Variants in VPS13D observed in about 807,000 individuals in gnomAD.
VPS13D encodes intermembrane lipid transfer protein VPS13D.
In VPS13D, 187 loss-of-function variants were observed where a neutral mutation model predicts 461.9. The observed-to-expected ratio is 0.40, with a 90% CI of 0.36 to 0.46. The LOEUF is 0.46. VPS13D is among the 20% of genes least tolerant of loss of function. The pLI, the probability that VPS13D is intolerant of heterozygous loss-of-function variation, is 0.60. For missense variants in VPS13D, 4,711 were observed against 5,364.9 expected, an observed-to-expected ratio of 0.88 and a Z score of 3.81; for synonymous variants, 1,951 against 1,986.3, an observed-to-expected ratio of 0.98 and a Z score of 0.47.
chr1:12,496,824 G>C (rs116705509), intron 67 of VPS13D, among the ~76,000 whole-genome samples: 3,332 of 152,302 alleles, frequency 0.022, 60 homozygotes, highest in African/African-American at 0.039. Flanking sequence ...GCCCGAGTTA[G>C]AGCCTCTGCA....
chr1:12,385,179 C>A, intron 58 of VPS13D, 81 bp from the exon 59 acceptor site: 1 of 1,085,282 alleles, frequency 9.2e-7, no homozygotes, highest in Non-Finnish European at 1.4e-6. Flanking sequence ...TGACTTTTGA[C>A]CTACACAGTT....
rs771800385 is a variant in VPS13D at position 12,322,541 on chromosome 1, G to T, written c.7710G>T (p.Gln2570His). ...SEDFPPVLEI[Q>H]LQALDIRLSY... ...CCTTTTTTACATTTTGTTAGATTCA[G>T]TTACAAGCCCTGGATATCAGACTCT... is the stretch of plus-strand genomic sequence containing the variant. The change falls in exon 34 of 70, where the codon CAG becomes CAT. Residue 2570 changes from glutamine to histidine, a missense_variant. Gln to His is a conservative substitution (Grantham distance 24, BLOSUM62 0). Transcript: ENST00000620676. 2.5e-6 allele frequency: 4 copies of T among 1,614,112 alleles called. No homozygotes were observed. The highest frequency in any genetic ancestry group is 4.5e-5 in the East Asian group (2 of 44,884).
In VPS13D at chr1:12,271,070, G is replaced by C; in HGVS notation, c.2049G>C (p.Gln683His). ...GACAATATAACAAGCTGAAGATGCA[G>C]ACCAAGGCAGAAATCCGGCAAACTC... is the stretch of plus-strand genomic sequence containing the variant. ...ARRQYNKLKM[Q>H]TKAEIRQTLD... The change falls in exon 17 of 70, where the codon CAG becomes CAC. Residue 683 changes from glutamine to histidine, a missense_variant. Coordinates refer to ENST00000620676, the MANE Select transcript of VPS13D (RefSeq NM_015378.4). 6.2e-7 allele frequency: 1 copy of C among 1,614,054 alleles called. No individual in the cohort carries two copies.
At chr1:12,367,246 T>C (rs1469994404) in intron 52 of VPS13D, among the ~76,000 whole-genome samples, 1 of 152,244 alleles carries the variant, frequency 6.6e-6, no homozygotes, top group African/African-American at 2.4e-5. Context: ...TTCCTGTCTG[T>C]AGATTTGGGT....
chr1:12,286,216 T>A (rs1229388131), intron 21 of VPS13D, among the ~76,000 whole-genome samples: 1 of 152,144 alleles, frequency 6.6e-6, no homozygotes, highest in East Asian at 1.9e-4. Context: ...TAGCTGGGAC[T>A]ACAGATGTGT....
In VPS13D at chr1:12,416,754, G is replaced by T. The variant is rs764073239; in HGVS notation, c.12260G>T (p.Gly4087Val). 6.2e-7 allele frequency: 1 copy of T among 1,613,940 alleles called. No individual in the cohort carries two copies. The highest frequency in any genetic ancestry group is 1.7e-5 in the Admixed American group (1 of 60,000). The part of the protein sequence containing the change: ...LLNDVSEGVT[G>V]LIKYGNVGGL... ...AATGATGTTTCTGAAGGGGTTACTG[G>T]ACTGATAAAATATGGAAATGTCGGG... Residue 4087 changes from glycine (G) to valine (V), a missense_variant, in exon 65 of 70, where the codon GGA becomes GTA. Coordinates refer to ENST00000620676, the MANE Select transcript of VPS13D (RefSeq NM_015378.4).
intron 50 of VPS13D, among the ~76,000 whole-genome samples, chr1:12,361,395 A>ATTTTTTT (rs796776170): frequency 3.7e-5 from 5 of 133,376 alleles, no homozygotes; most frequent in African/African-American, 1.4e-4. Context: ...TTATTTATTT[A>ATTTTTTT]TTTATTTATT....
Position 12,362,778 on chromosome 1 carries a change from C to T in VPS13D, c.10200C>T (p.Ala3400=). ...RYIDTCMVIF[A]PRYLLDNKSS... ...TTGATACCTGCATGGTCATCTTTGC[C>T]CCCCGTTACCTGTTAGATAATAAAT... The change falls in exon 51 of 70, where the codon GCC becomes GCT. Residue 3400 remains alanine, a synonymous_variant. Coordinates refer to ENST00000620676, the MANE Select transcript of VPS13D (RefSeq NM_015378.4). 6.2e-7 allele frequency: 1 copy of T among 1,614,150 alleles called. No homozygotes were observed. The highest frequency in any genetic ancestry group is 8.5e-7 in the Non-Finnish European group (1 of 1,180,028).
intron 30 of VPS13D, among the ~76,000 whole-genome samples, chr1:12,315,482 T>C (rs776034303): frequency 8.5e-4 from 130 of 152,350 alleles, no homozygotes; most frequent in Non-Finnish European, 1.4e-3. Context: ...GGCCCTGCCA[T>C]GAGCCAGGCA....
At chr1:12,428,133 T>TC (rs1320354884) in intron 65 of VPS13D, among the ~76,000 whole-genome samples, 1 of 152,008 alleles carries the variant, frequency 6.6e-6, no homozygotes, top group African/African-American at 2.4e-5. Context: ...TGAGGGAGAA[T>TC]CCCCCCTAAG....
chr1:12,510,938 C>CGGAAGGGTTGATT lies in VPS13D; in HGVS notation c.*1916_*1928dup, dbSNP rs1646174584. On this transcript the variant is annotated 3_prime_UTR_variant, in exon 70 of 70. Transcript: ENST00000620676. ...ATGATCTCTTAAAAGATGAGACTCT[C>CGGAAGGGTTGATT]GGAAGGGTTGATTGTATGCGTCAGT... is the stretch of plus-strand genomic sequence containing the variant. 2 of 152,170 alleles carry CGGAAGGGTTGATT rather than the reference C, an allele frequency of 1.3e-5. No individual in the cohort carries two copies. The highest frequency in any genetic ancestry group is 1.3e-4 in the Admixed American group (2 of 15,288). The allele number at this position is 152,170 out of a possible 1,614,324, so 9.4% of individuals were successfully genotyped here.
chr1:12,279,802 T>C lies in VPS13D; in HGVS notation c.4602+152T>C. 1 of 744,122 alleles carries C rather than the reference T, an allele frequency of 1.3e-6. No individual in the cohort carries two copies. The highest frequency in any genetic ancestry group is 1.9e-6 in the Non-Finnish European group (1 of 527,036). The allele number at this position is 744,122 out of a possible 1,614,324, so 46.1% of individuals were successfully genotyped here. ...TACCATTGTTGAAACCTTGTTCCAA[T>C]AATTGTGGAATCCTTTTGTCATGGG... is the stretch of plus-strand genomic sequence containing the variant. On this transcript the variant is annotated intron_variant, in intron 20 of 69. Transcript: ENST00000620676. This position sits in a 1 kb window ranked among gnomAD's most constrained non-coding sequence, Gnocchi z 4.3.
At chr1:12,440,946 A>G (rs532484888) in intron 65 of VPS13D, among the ~76,000 whole-genome samples, 24 of 150,840 alleles carry the variant, frequency 1.6e-4, no homozygotes, top group Admixed American at 4.0e-4. Context: ...TTCTTTCGAG[A>G]TGGAGTTTCA....
chr1:12,399,930 A>AT (rs1192957395), intron 60 of VPS13D, among the ~76,000 whole-genome samples: 1 of 152,108 alleles, frequency 6.6e-6, no homozygotes, highest in East Asian at 1.9e-4. Flanking sequence ...TCACATACTT[A>AT]TTTTTTTGAG....
At chr1:12,337,416 C>T (rs1643475889) in intron 39 of VPS13D, 1 of 152,170 alleles carries the variant, frequency 6.6e-6, no homozygotes. Flanking sequence ...AATAGTAAGT[C>T]ATATTCCTAC....
intron 65 of VPS13D, among the ~76,000 whole-genome samples, chr1:12,439,669 T>C (rs1016339139): frequency 4.6e-5 from 7 of 152,238 alleles, no homozygotes; most frequent in African/African-American, 1.7e-4. Context: ...TCTGTTTTGT[T>C]CACTGCTACA....
intron 65 of VPS13D, among the ~76,000 whole-genome samples, chr1:12,420,614 G>T (rs962460272): frequency 4.6e-5 from 7 of 152,152 alleles, no homozygotes; most frequent in African/African-American, 1.7e-4. Context: ...TGTTTCTTTT[G>T]TATCCTCAGG....
At position 12,385,285 on chromosome 1, in the gene VPS13D, G is replaced by A. The variant is rs984304475; in HGVS notation, c.11396G>A (p.Ser3799Asn). 6.2e-7 allele frequency: 1 copy of A among 1,613,708 alleles called. No individual in the cohort carries two copies. Among genetic ancestry groups the A allele is most frequent in the African/African-American group, 1.3e-5 (1 of 74,898 alleles). ...LQITDFCHRK[S>N]SRSYEVDELP... is the part of the protein sequence containing the mutation. Reference sequence around the variant, plus strand: ...ATAACAGATTTCTGCCACCGGAAAAGCAGCCGTTCATATGAAGTGGATGAA... The same window carrying A: ...ATAACAGATTTCTGCCACCGGAAAAACAGCCGTTCATATGAAGTGGATGAA... Residue 3799 changes from serine to asparagine, a missense_variant, in exon 59 of 70, where the codon AGC (serine) becomes AAC (asparagine). Transcript: ENST00000620676.
intron 66 of VPS13D, among the ~76,000 whole-genome samples, chr1:12,459,486 T>C (rs1254141938): frequency 4.0e-5 from 6 of 149,556 alleles, no homozygotes; most frequent in Non-Finnish European, 7.4e-5. Context: ...TCTTTTCTTT[T>C]TTTTTTTTTT....
Sources: allele counts gnomAD v4.1 joint callset (sites outside exome capture counted in the v4.1 genomes callset), GRCh38; gene constraint gnomAD v4.1.1; non-coding constraint Gnocchi (gnomAD v3.1); transcripts MANE v1.5; gene names NCBI Gene and HGNC (gene_info 2026-07-23, HGNC 2026-07-21).